SFXN1: variants seen among roughly 807,000 people sequenced by gnomAD.
The protein encoded by SFXN1 is sideroflexin 1, also known as sideroflexin-1.
A neutral mutation model predicts 39.5 loss-of-function variants in SFXN1; 32 were observed. That is an observed-to-expected ratio of 0.81 (90% CI 0.61 to 1.09). The LOEUF is 1.09. Ranked by LOEUF, SFXN1 falls within the 50% of genes least tolerant of loss-of-function variation. SFXN1 has a pLI of 0.00. For missense variants in SFXN1, 402 were observed against 407.1 expected (o/e 0.99, Z 0.11); for synonymous variants, 136 against 146.5 (o/e 0.93, Z 0.52).
rs1581337856 is a variant in SFXN1 at position 175,526,875 on chromosome 5, T to C, written c.*141T>C. On this transcript the variant is annotated 3_prime_UTR_variant, in exon 11 of 11. Transcript: ENST00000321442. ...CCACATTAGCCTTTTAGAATAAAGCTGCTACTTTAACAGAGCACCTGGCGT... is the reference window on the plus strand; with the variant it reads ...CCACATTAGCCTTTTAGAATAAAGCCGCTACTTTAACAGAGCACCTGGCGT... The C allele has an allele frequency of 1.4e-6, 1 of 702,308 alleles. No individual in the cohort carries two copies. The highest frequency in any genetic ancestry group is 1.8e-5 in the South Asian group (1 of 56,386). 43.5% of individuals were successfully genotyped at this position (702,308 alleles called of 1,614,324 possible).
At position 175,513,454 on chromosome 5, in the gene SFXN1, G is replaced by T; in HGVS notation, c.597-9G>T. ...TGGTGGAGCTCTCTGTATGTGTTTTGCTCTGCAGGGAACTCAAAGTTGGCA... is the reference window on the plus strand; with the variant it reads ...TGGTGGAGCTCTCTGTATGTGTTTTTCTCTGCAGGGAACTCAAAGTTGGCA... On this transcript the variant is annotated splice_polypyrimidine_tract_variant and intron_variant, in intron 6 of 10. Coordinates refer to ENST00000321442, the MANE Select transcript of SFXN1 (RefSeq NM_022754.7). The T allele has an allele frequency of 6.2e-7, 1 of 1,612,882 alleles. No homozygotes were observed. The highest frequency in any genetic ancestry group is 8.5e-7 in the Non-Finnish European group (1 of 1,179,346).
At chr5:175,508,593 A>G (rs537800944) in intron 2 of SFXN1, among the ~76,000 whole-genome samples, 10 of 151,938 alleles carry the variant, frequency 6.6e-5, no homozygotes, top group African/African-American at 2.4e-4. Flanking sequence ...TACTGACTAT[A>G]TGTAACAAAT....
chr5:175,507,973 T>TTA (rs1554101399), intron 2 of SFXN1, among the ~76,000 whole-genome samples: 15 of 124,342 alleles, frequency 1.2e-4, no homozygotes, highest in South Asian at 6.8e-4. Context: ...ACCCTGTCTT[T>TTA]AAAAAAAAAA....
At chr5:175,505,826 T>C (rs1338957765) in intron 2 of SFXN1, among the ~76,000 whole-genome samples, 1 of 152,212 alleles carries the variant, frequency 6.6e-6, no homozygotes, top group Non-Finnish European at 1.5e-5. Flanking sequence ...CATTTTCTTT[T>C]CTTTTCTTTT....
In SFXN1 at chr5:175,487,792, C is replaced by T. The variant is rs564207859; in HGVS notation, c.-9-4303C>T. On this transcript the variant is annotated intron_variant, in intron 1 of 10. Transcript: ENST00000321442. ...CCTCCTGGGTGCCTCACGCTTACTC[C>T]GTGCAAATCTGAGCTTCCTGTCTTC... 3.3e-5 allele frequency among the ~76,000 whole-genome samples: 5 copies of T among 152,288 alleles called. No homozygotes were observed. The East Asian group carries it at 7.7e-4, about 23-fold the overall frequency.
intron 5 of SFXN1, 116 bp downstream of exon 5, chr5:175,511,642 T>C: frequency 1.2e-6 from 1 of 826,612 alleles, no homozygotes; most frequent in Non-Finnish European, 2.0e-6. Context: ...CTTGTTATAG[T>C]GCTTATCTTC....
rs769688095 is a variant in SFXN1, at chr5:175,512,121, C to T, written c.521C>T (p.Pro174Leu). The T allele has an allele frequency of 2.5e-6, 4 of 1,614,082 alleles. No individual in the cohort carries two copies. The East Asian group carries it at 8.9e-5, about 36-fold the overall frequency. ...TTTTCTCCTCTGCAGCATGTCTCAC[C>T]ACTGATAGGACGTTTTGTTCCCTTT... The part of the protein sequence containing the change: ...GLNALTKHVS[P>L]LIGRFVPFAA... The change falls in exon 6 of 11, where the codon CCA becomes CTA. Residue 174 changes from proline to leucine, a missense_variant. Pro to Leu is a moderately conservative substitution (Grantham distance 98). Coordinates refer to ENST00000321442, the MANE Select transcript of SFXN1 (RefSeq NM_022754.7).
intron 2 of SFXN1, among the ~76,000 whole-genome samples, chr5:175,496,247 C>T (rs577167118): frequency 2.6e-4 from 39 of 151,768 alleles, no homozygotes; most frequent in African/African-American, 8.7e-4. Context: ...CATGGTGACG[C>T]GCACCTATAA....
intron 2 of SFXN1, among the ~76,000 whole-genome samples, chr5:175,503,832 G>A (rs7702117): frequency 2.6e-5 from 4 of 152,076 alleles, no homozygotes; most frequent in South Asian, 4.1e-4. Context: ...GTGAAACCCC[G>A]TTTCTACTAA....
intron 2 of SFXN1, among the ~76,000 whole-genome samples, chr5:175,497,043 T>C (rs2132451): frequency 0.28 from 41,840 of 151,870 alleles, 6,022 homozygotes; most frequent in South Asian, 0.44. Flanking sequence ...GCACCTGCCA[T>C]CATGCCCAGC....
intron 7 of SFXN1, among the ~76,000 whole-genome samples, chr5:175,514,515 T>C (rs1174878158): frequency 6.6e-6 from 1 of 152,178 alleles, no homozygotes; most frequent in Non-Finnish European, 1.5e-5. Flanking sequence ...CAGAAATTAG[T>C]ATGTTTAATT....
chr5:175,521,071 A>G (rs1470292628), intron 8 of SFXN1, among the ~76,000 whole-genome samples: 2 of 152,108 alleles, frequency 1.3e-5, no homozygotes, highest in East Asian at 3.9e-4. Flanking sequence ...ACTCCTAACT[A>G]AGCTGGCTGA....
At chr5:175,490,999 T>C (rs1487011655) in intron 1 of SFXN1, among the ~76,000 whole-genome samples, 2 of 152,258 alleles carry the variant, frequency 1.3e-5, no homozygotes, top group African/African-American at 4.8e-5. Context: ...ATTTTGTTTC[T>C]TTATTCTCTA....
intron 1 of SFXN1, among the ~76,000 whole-genome samples, chr5:175,478,892 C>T (rs552795719): frequency 6.6e-6 from 1 of 152,134 alleles, no homozygotes; most frequent in Non-Finnish European, 1.5e-5. Flanking sequence ...GGCCCAGCAT[C>T]CCGTGGGCCT....
intron 2 of SFXN1, among the ~76,000 whole-genome samples, chr5:175,494,522 TG>T (rs560492002): frequency 1.0e-3 from 158 of 152,108 alleles, no homozygotes; most frequent in African/African-American, 3.5e-3. Flanking sequence ...CCAAGGTGGG[TG>T]GATCGCCTGA....
chr5:175,479,033 C>T (rs1182244494), intron 1 of SFXN1, among the ~76,000 whole-genome samples: 1 of 152,246 alleles, frequency 6.6e-6, no homozygotes, highest in Non-Finnish European at 1.5e-5. Context: ...CCAGGTGGCC[C>T]AGTGCCTGGC....
At chr5:175,499,879 T>C (rs114293900) in intron 2 of SFXN1, among the ~76,000 whole-genome samples, 3,971 of 152,286 alleles carry the variant, frequency 0.026, 143 homozygotes, top group African/African-American at 0.088. Flanking sequence ...ACAGAAAACG[T>C]GATCATCTAT....
intron 7 of SFXN1, among the ~76,000 whole-genome samples, chr5:175,515,629 G>A (rs767456729): frequency 6.6e-6 from 1 of 152,038 alleles, no homozygotes; most frequent in Non-Finnish European, 1.5e-5. Context: ...GAAAGCTGAG[G>A]CTCAGAGAAG....
intron 1 of SFXN1, among the ~76,000 whole-genome samples, chr5:175,488,379 C>T (rs1461809405): frequency 6.6e-6 from 1 of 151,674 alleles, no homozygotes; most frequent in Non-Finnish European, 1.5e-5. Context: ...CTCGGCTCAC[C>T]GCCATCTCCG....
Sources: gnomAD v4.1 joint callset for allele counts (sites outside exome capture counted in the v4.1 genomes callset) on GRCh38, gnomAD v4.1.1 for gene constraint, MANE v1.5 for transcripts, NCBI Gene and HGNC (gene_info 2026-07-23, HGNC 2026-07-21) for gene names.